Variants in PTPN5 observed in about 807,000 individuals in gnomAD.
PTPN5 encodes the protein tyrosine-protein phosphatase non-receptor type 5.
Under a neutral mutation model 73.9 loss-of-function variants are expected in PTPN5, and 29 were observed. The observed-to-expected ratio is 0.39, with a 90% CI of 0.29 to 0.54. The LOEUF (loss-of-function observed/expected upper bound fraction) is 0.54, where lower values mean the gene tolerates loss of function less well. Among genes scored for constraint, PTPN5 ranks in the 20% least tolerant of loss-of-function variants. The pLI is 0.65. For missense variants in PTPN5, 652 were observed against 751.4 expected (o/e 0.87, Z 1.55); for synonymous variants, 267 against 304.7 (o/e 0.88, Z 1.29).
At position 18,733,265 on chromosome 11, in the gene PTPN5, G is replaced by T. The variant is rs779650910; in HGVS notation, c.1188C>A (p.Val396=). Residue 396 remains valine, a synonymous_variant, in exon 11 of 15, where the codon GTC becomes GTA. Coordinates refer to ENST00000358540, the MANE Select transcript of PTPN5 (RefSeq NM_006906.2). The surrounding 1 kb of genome is among the most constrained non-coding windows in gnomAD (Gnocchi z 4.3). ...MVWQEHTPII[V]MITNIEEMNE... Reference sequence around the variant, plus strand: ...TCATCTCCTCGATGTTGGTGATCATGACAATGATGGGCGTGTGCTCCTGCC... The same window carrying T: ...TCATCTCCTCGATGTTGGTGATCATTACAATGATGGGCGTGTGCTCCTGCC... 2 of 1,613,982 alleles carry T rather than the reference G, an allele frequency of 1.2e-6. No homozygotes were observed. Among genetic ancestry groups the T allele is most frequent in the Non-Finnish European group, 1.7e-6 (2 of 1,179,894 alleles).
In PTPN5 at chr11:18,728,024, T is replaced by C. The variant is rs1848707755; in HGVS notation, c.*910A>G. 1 of 152,564 alleles carries C rather than the reference T, an allele frequency of 6.6e-6. No individual in the cohort carries two copies. The highest frequency in any genetic ancestry group is 2.1e-4 in the South Asian group (1 of 4,818). The allele number at this position is 152,564 out of a possible 1,614,324, so 9.5% of individuals were successfully genotyped here. ...ATGTCTCTGTCTGCCGTGGGATAAATATTTAAAGTCAGCAATAAAAACACG... is the reference window on the plus strand; with the variant it reads ...ATGTCTCTGTCTGCCGTGGGATAAACATTTAAAGTCAGCAATAAAAACACG... On this transcript the variant is annotated 3_prime_UTR_variant, in exon 15 of 15. Coordinates refer to ENST00000358540, the MANE Select transcript of PTPN5 (RefSeq NM_006906.2). This position sits in a 1 kb window ranked among gnomAD's most constrained non-coding sequence, Gnocchi z 4.1.
intron 3 of PTPN5, among the ~76,000 whole-genome samples, chr11:18,746,535 T>C (rs377412128): frequency 1.3e-5 from 2 of 151,998 alleles, no homozygotes; most frequent in South Asian, 2.1e-4. Context: ...ACACCTAGCA[T>C]AGTGTTCAGC....
chr11:18,738,972 C>CAAA (rs375555659), intron 8 of PTPN5, among the ~76,000 whole-genome samples: 1 of 70,060 alleles, frequency 1.4e-5, no homozygotes, highest in Admixed American at 1.6e-4. Context: ...AACCCTGTCT[C>CAAA]AAAAAAAAAA....
intron 3 of PTPN5, among the ~76,000 whole-genome samples, chr11:18,763,344 G>A (rs532969240): frequency 7.2e-5 from 11 of 152,334 alleles, no homozygotes; most frequent in African/African-American, 2.4e-4. Context: ...ACAAGGTAGC[G>A]GTGACGACAC....
At chr11:18,792,246 G>A (rs1851963249), upstream of PTPN5, 2 of 152,498 alleles carry the variant, frequency 1.3e-5, no homozygotes, top group African/African-American at 4.8e-5. Flanking sequence ...AGGGGGCAGA[G>A]TTGGGGGAGG....
chr11:18,747,205 C>G (rs1343322622), intron 3 of PTPN5, among the ~76,000 whole-genome samples: 2 of 151,206 alleles, frequency 1.3e-5, no homozygotes, highest in Non-Finnish European at 2.9e-5. Context: ...GGCTGGAGTG[C>G]AGTGGCGTGA....
chr11:18,730,318 C>T (rs547540448), intron 12 of PTPN5: 3 of 200,032 alleles, frequency 1.5e-5, no homozygotes, highest in East Asian at 1.2e-4. Context: ...TATCATTGCT[C>T]GAGTGTGGGA....
At chr11:18,791,015 G>C (rs1047050741) in intron 1 of PTPN5, among the ~76,000 whole-genome samples, 2 of 152,186 alleles carry the variant, frequency 1.3e-5, no homozygotes, top group Admixed American at 6.5e-5. Context: ...CAGCATGCTG[G>C]GGGAGGGGAG....
At position 18,770,334 on chromosome 11, in the gene PTPN5, T is replaced by C. The variant is rs1317627301; in HGVS notation, c.20+1605A>G. 2.0e-5 allele frequency among the ~76,000 whole-genome samples: 3 copies of C among 152,336 alleles called. No individual in the cohort carries two copies. In the East Asian group the frequency reaches 5.8e-4, roughly 29 times the overall value. ...CCCCACAGCCCCTGGCAACGGCTTA[T>C]TTGCTTTCTGTCTCTATGGGTTTGC... On this transcript the variant is annotated intron_variant, in intron 2 of 14. Transcript: ENST00000358540.
At chr11:18,749,977 A>G (rs1013576460) in intron 3 of PTPN5, among the ~76,000 whole-genome samples, 1 of 152,172 alleles carries the variant, frequency 6.6e-6, no homozygotes, top group African/African-American at 2.4e-5. Context: ...AGCCCTACCC[A>G]AAAGAACATG....
At chr11:18,755,835 C>G (rs1444762166) in intron 3 of PTPN5, among the ~76,000 whole-genome samples, 4 of 151,928 alleles carry the variant, frequency 2.6e-5, no homozygotes. Flanking sequence ...GAAACCCTGT[C>G]TCTACTAAAA....
At position 18,728,696 on chromosome 11, in the gene PTPN5, C is replaced by G; in HGVS notation, c.*238G>C. On this transcript the variant is annotated 3_prime_UTR_variant, in exon 15 of 15. Transcript: ENST00000358540. This position sits in a 1 kb window ranked among gnomAD's most constrained non-coding sequence, Gnocchi z 4.1. ...GGGGTCTGCGTGGTGTGGGTCAGGC[C>G]CCGGGGCCCCAGGCCTGGCCTGGCA... The G allele has an allele frequency of 2.1e-6, 1 of 468,904 alleles. No homozygotes were observed. The highest frequency in any genetic ancestry group is 3.2e-5 in the South Asian group (1 of 31,322). The allele number at this position is 468,904 out of a possible 1,614,324, so 29.0% of individuals were successfully genotyped here.
chr11:18,773,920 C>T (rs879324334), intron 1 of PTPN5, among the ~76,000 whole-genome samples: 3 of 152,196 alleles, frequency 2.0e-5, no homozygotes, highest in Admixed American at 6.5e-5. Context: ...TCATCACCCC[C>T]GTGACCATGA....
rs74718159 is a variant in PTPN5, at chr11:18,748,627, A to G, written c.98-4428T>C. Among the ~76,000 whole-genome samples the G allele has an allele frequency of 5.2e-3, 783 of 149,474 alleles. 6 individuals carry two copies. The highest frequency in any genetic ancestry group is 0.018 in the African/African-American group (741 of 40,590). ...GAGATGCATGGACCTCAGGTTAAGA[A>G]CCCCTGATCTCGGGGGTGGGCAGTG... is the stretch of plus-strand genomic sequence containing the variant. On this transcript the variant is annotated intron_variant, in intron 3 of 14. Coordinates refer to ENST00000358540, the MANE Select transcript of PTPN5 (RefSeq NM_006906.2).
At chr11:18,735,671 C>G (rs1391799595) in intron 9 of PTPN5, among the ~76,000 whole-genome samples, 5 of 151,488 alleles carry the variant, frequency 3.3e-5, no homozygotes, top group African/African-American at 1.2e-4. Context: ...CAAAAATTAG[C>G]CAGAAATTGC....
At chr11:18,741,337 C>T (rs745580687) in intron 7 of PTPN5, among the ~76,000 whole-genome samples, 4 of 152,198 alleles carry the variant, frequency 2.6e-5, no homozygotes, top group East Asian at 1.9e-4. Flanking sequence ...GCACGGTGGC[C>T]GCAAGGATGT....
In PTPN5 at chr11:18,770,047, T is replaced by TG. The variant is rs528585229; in HGVS notation, c.20+1891dup. On this transcript the variant is annotated intron_variant, in intron 2 of 14. Transcript: ENST00000358540. ...GGCTGGGTAGGTCTGTAACACGAAG[T>TG]GGGGGAGCAGCAGCTTACGTTTAAG... 1.9e-3 allele frequency among the ~76,000 whole-genome samples: 291 copies of TG among 152,086 alleles called. 3 individuals carry two copies. Among genetic ancestry groups the TG allele is most frequent in the African/African-American group, 6.8e-3 (280 of 41,478 alleles).
At chr11:18,760,159 A>G (rs749767277) in intron 3 of PTPN5, among the ~76,000 whole-genome samples, 4 of 152,202 alleles carry the variant, frequency 2.6e-5, no homozygotes, top group Non-Finnish European at 5.9e-5. Context: ...CCTGGCAAGC[A>G]TGGAGCATGG....
chr11:18,770,024 C>A (rs1006012748), intron 2 of PTPN5, among the ~76,000 whole-genome samples: 5 of 152,116 alleles, frequency 3.3e-5, no homozygotes, highest in African/African-American at 1.2e-4. Context: ...CCTGGTCTGG[C>A]TGGGTAGGTC....
Sources: gnomAD v4.1 joint callset for allele counts (sites outside exome capture counted in the v4.1 genomes callset) on GRCh38, gnomAD v4.1.1 for gene constraint, Gnocchi (gnomAD v3.1) non-coding constraint, MANE v1.5 for transcripts, NCBI Gene and HGNC (gene_info 2026-07-23, HGNC 2026-07-21) for gene names.